The following COBLL1 variants were observed in gnomAD, a reference collection of about 807,000 sequenced individuals.
COBLL1 encodes cordon-bleu protein-like 1.
In COBLL1, 50 loss-of-function variants were observed where a neutral mutation model predicts 94.8. That is an observed-to-expected ratio of 0.53 (90% confidence interval 0.42 to 0.67). The LOEUF (loss-of-function observed/expected upper bound fraction) is 0.67. Ranked by LOEUF, COBLL1 falls within the 30% of genes least tolerant of loss-of-function variation. The pLI is 0.00. For missense variants in COBLL1, 1,362 were observed against 1,348.7 expected (o/e 1.01, Z -0.15); for synonymous variants, 448 against 473.8 (o/e 0.95, Z 0.71).
chr2:164,834,710 C>T (rs935465632), intron 2 of COBLL1, among the ~76,000 whole-genome samples: 12 of 152,166 alleles, frequency 7.9e-5, no homozygotes, highest in Non-Finnish European at 1.6e-4. Context: ...AATGTGAAAG[C>T]GGTTGGAGGA....
At chr2:164,700,225 T>C (rs1007527697) in intron 10 of COBLL1, among the ~76,000 whole-genome samples, 5 of 152,096 alleles carry the variant, frequency 3.3e-5, no homozygotes, top group African/African-American at 1.2e-4. Flanking sequence ...ATAGGTCACA[T>C]AGGTTAACAG....
chr2:164,696,657 AC>A (rs1683962420), intron 11 of COBLL1: 1 of 152,166 alleles, frequency 6.6e-6, no homozygotes, highest in Admixed American at 6.6e-5. Context: ...CCTCCTGAAA[AC>A]AAAACTCATT....
chr2:164,804,880 A>T (rs1684009761), intron 2 of COBLL1, among the ~76,000 whole-genome samples: 3 of 152,152 alleles, frequency 2.0e-5, no homozygotes. Flanking sequence ...GGACTCTCTG[A>T]CCCACAAACT....
chr2:164,834,091 T>TA (rs970445739), intron 2 of COBLL1, among the ~76,000 whole-genome samples: 8 of 151,828 alleles, frequency 5.3e-5, no homozygotes, highest in South Asian at 2.1e-4. Flanking sequence ...AGCAAAGTCA[T>TA]AAAAAAAAGT....
Position 164,740,142 on chromosome 2 carries a change from C to A in COBLL1, c.230+3545G>T, listed in dbSNP as rs144434844. ...CTGCGAACAAAGTCCCTAAATGAAA[C>A]CCCATAGTAAAAACACTGATATACA... is the stretch of plus-strand genomic sequence containing the variant. On this transcript the variant is annotated intron_variant, in intron 3 of 13. Coordinates refer to ENST00000652658, the MANE Select transcript of COBLL1 (RefSeq NM_001365672.2). Among the ~76,000 whole-genome samples the A allele has an allele frequency of 8.9e-3, 1,358 of 152,272 alleles. 11 individuals carry two copies. Among genetic ancestry groups the A allele is most frequent in the Middle Eastern group, 0.054 (16 of 294 alleles).
intron 2 of COBLL1, among the ~76,000 whole-genome samples, chr2:164,807,479 A>T (rs998455094): frequency 1.3e-5 from 2 of 151,008 alleles, no homozygotes; most frequent in African/African-American, 4.9e-5. Flanking sequence ...TCAATTCTAC[A>T]TTTGTCAAAT....
intron 2 of COBLL1, among the ~76,000 whole-genome samples, chr2:164,804,767 T>C (rs896167530): frequency 6.6e-6 from 1 of 152,200 alleles, no homozygotes; most frequent in Non-Finnish European, 1.5e-5. Context: ...TTACGTAACC[T>C]GCATTATACT....
At chr2:164,680,081 A>G (rs1268345594), downstream of COBLL1, 1 of 152,016 alleles carries the variant, frequency 6.6e-6, no homozygotes, top group African/African-American at 2.4e-5. Context: ...CTTGCCTCCA[A>G]TCATCTATCC....
intron 2 of COBLL1, among the ~76,000 whole-genome samples, chr2:164,794,397 G>C (rs546728547): frequency 2.6e-5 from 4 of 152,134 alleles, no homozygotes; most frequent in African/African-American, 4.8e-5. Flanking sequence ...ACCTAGGGAA[G>C]GTCCTGGTAA....
chr2:164,818,567 A>G (rs541010203), intron 2 of COBLL1, among the ~76,000 whole-genome samples: 1 of 148,336 alleles, frequency 6.7e-6, no homozygotes, highest in Non-Finnish European at 1.5e-5. Flanking sequence ...GTACACATAT[A>G]TAGCATATAT....
At chr2:164,814,383 TA>T (rs1277042969) in intron 2 of COBLL1, among the ~76,000 whole-genome samples, 2 of 152,180 alleles carry the variant, frequency 1.3e-5, no homozygotes, top group Non-Finnish European at 2.9e-5. Flanking sequence ...TATATAAAAT[TA>T]AAGAGTCTTT....
chr2:164,722,032 C>G, intron 7 of COBLL1, 43 bp downstream of exon 7: 2 of 1,423,724 alleles, frequency 1.4e-6, no homozygotes, highest in Non-Finnish European at 1.9e-6. Flanking sequence ...AAATGGTACA[C>G]TGCCTCATCC....
chr2:164,785,050 G>T (rs1241164219), intron 2 of COBLL1, among the ~76,000 whole-genome samples: 1 of 152,132 alleles, frequency 6.6e-6, no homozygotes, highest in African/African-American at 2.4e-5. Context: ...TCTGCCTTCT[G>T]CCATGTGAGG....
At chr2:164,759,789 T>A (rs540516847) in intron 2 of COBLL1, among the ~76,000 whole-genome samples, 15 of 152,228 alleles carry the variant, frequency 9.9e-5, no homozygotes, top group Admixed American at 7.8e-4. Context: ...GAATGGCAAA[T>A]AGACACACAA....
chr2:164,794,321 T>C (rs1254123243), intron 2 of COBLL1, among the ~76,000 whole-genome samples: 1 of 152,188 alleles, frequency 6.6e-6, no homozygotes, highest in African/African-American at 2.4e-5. Context: ...AAAAGAAAAC[T>C]GCATTTGTCT....
At position 164,692,306 on chromosome 2, in the gene COBLL1, G is replaced by C. The variant is rs759942268; in HGVS notation, c.3215C>G (p.Thr1072Arg). Residue 1072 changes from threonine to arginine, a missense_variant, in exon 13 of 14, where the codon ACA becomes AGA. Physicochemically the swap from Thr to Arg is moderately conservative, Grantham distance 71. Coordinates refer to ENST00000652658, the MANE Select transcript of COBLL1 (RefSeq NM_001365672.2). ...SFTVMRQSSL[T>R]FQSSDPEQMR... is the part of the protein sequence containing the mutation. ...CTGTTCTGGGTCAGAGCTTTGGAAT[G>C]TTAAAGAACTTTGTCTCATAACAGT... 1.9e-6 allele frequency: 3 copies of C among 1,613,562 alleles called. No individual in the cohort carries two copies. The highest frequency in any genetic ancestry group is 1.7e-5 in the Admixed American group (1 of 59,960).
At chr2:164,712,887 G>A (rs557149509) in intron 7 of COBLL1, among the ~76,000 whole-genome samples, 1 of 152,058 alleles carries the variant, frequency 6.6e-6, no homozygotes, top group South Asian at 2.1e-4. Flanking sequence ...TAGAAGTTTT[G>A]GTGTCCACTG....
intron 7 of COBLL1, among the ~76,000 whole-genome samples, chr2:164,720,487 A>G (rs1685389484): frequency 6.6e-6 from 1 of 152,168 alleles, no homozygotes; most frequent in Admixed American, 6.5e-5. Flanking sequence ...TGGAATAAAG[A>G]TTTGTGAGCA....
In COBLL1 at chr2:164,783,447, AAGAGAGG is replaced by A. The variant is rs1688805220; in HGVS notation, c.42-39579_42-39573del. 2.0e-5 allele frequency among the ~76,000 whole-genome samples: 3 copies of A among 151,950 alleles called. No individual in the cohort carries two copies. The South Asian group carries it at 6.2e-4, about 32-fold the overall frequency. On this transcript the variant is annotated intron_variant, in intron 2 of 13. Transcript: ENST00000652658. ...GAGAAAAGAAAGGAAGAGAAAAGAAAAGAGAGGAGAGAGGAGAGAAGAGAGCCTCTCA... is the reference window on the plus strand; with the variant it reads ...GAGAAAAGAAAGGAAGAGAAAAGAAAAGAGAGGAGAGAAGAGAGCCTCTCA...
Sources: allele counts gnomAD v4.1 joint callset (sites outside exome capture counted in the v4.1 genomes callset), GRCh38; gene constraint gnomAD v4.1.1; transcripts MANE v1.5; gene names NCBI Gene and HGNC (gene_info 2026-07-23, HGNC 2026-07-21).